Variants in CYP3A43 observed in about 807,000 individuals in gnomAD.
CYP3A43 encodes cytochrome P450 3A43.
Under a neutral mutation model 58.0 loss-of-function variants are expected in CYP3A43, and 45 were observed. That is an observed-to-expected ratio of 0.78 (90% CI 0.61 to 0.99). The LOEUF is 0.99. CYP3A43 is among the 50% of genes least tolerant of loss of function. The pLI is 0.00. For synonymous variants in CYP3A43, 191 were observed against 201.4 expected, an observed-to-expected ratio of 0.95 and a Z score of 0.44; for missense variants, 593 against 591.9, an observed-to-expected ratio of 1.00 and a Z score of -0.02.
chr7:99,838,919 G>T (rs770826400), intron 2 of CYP3A43: 1 of 634,940 alleles, frequency 1.6e-6, no homozygotes. Context: ...GGCAGAGGTT[G>T]CAATGAGCCA....
intron 2 of CYP3A43, among the ~76,000 whole-genome samples, chr7:99,837,514 G>T (rs1395884664): frequency 6.6e-6 from 1 of 152,088 alleles, no homozygotes; most frequent in African/African-American, 2.4e-5. Context: ...GAACAAGAAG[G>T]TTCTGCTTTC....
At position 99,864,356 on chromosome 7, in the gene CYP3A43, T is replaced by G. The variant is rs941508672; in HGVS notation, c.1416+657T>G. On this transcript the variant is annotated intron_variant, in intron 12 of 12. Transcript: ENST00000354829. ...TTATCTTCCAGGAGCACTGCTTCGC[T>G]GCTTCATACAAGCTGTGCATCTTTT... Among the ~76,000 whole-genome samples, 5 of 148,904 alleles carry G rather than the reference T, an allele frequency of 3.4e-5. 1 individual carries two copies. Among genetic ancestry groups the G allele is most frequent in the African/African-American group, 1.3e-4 (5 of 38,270 alleles).
At chr7:99,839,352 A>G in intron 3 of CYP3A43, 180 bp downstream of exon 3, 1 of 768,894 alleles carries the variant, frequency 1.3e-6, no homozygotes, top group East Asian at 2.7e-5. Flanking sequence ...TGCAAGGGGA[A>G]TATGCGTGTC....
chr7:99,833,714 CACT>C (rs1412078555), intron 1 of CYP3A43, among the ~76,000 whole-genome samples: 1 of 152,160 alleles, frequency 6.6e-6, no homozygotes, highest in Non-Finnish European at 1.5e-5. Flanking sequence ...TAGAAAGCAC[CACT>C]ATTTGCCACC....
intron 11 of CYP3A43, among the ~76,000 whole-genome samples, chr7:99,862,614 T>C (rs1818280850): frequency 6.6e-6 from 1 of 152,188 alleles, no homozygotes; most frequent in Non-Finnish European, 1.5e-5. Flanking sequence ...TTGGGCACAA[T>C]TTGCACTCTG....
chr7:99,848,349 T>A (rs1344571411), intron 6 of CYP3A43, 95 bp downstream of exon 6: 1 of 1,338,806 alleles, frequency 7.5e-7, no homozygotes, highest in African/African-American at 1.5e-5. Context: ...ACTCCAGTGA[T>A]CGGACAAAAG....
intron 10 of CYP3A43, among the ~76,000 whole-genome samples, chr7:99,861,384 G>A (rs1239804413): frequency 1.3e-5 from 2 of 152,192 alleles, no homozygotes; most frequent in Non-Finnish European, 2.9e-5. Flanking sequence ...AAGGATTTCA[G>A]TCTCTGTGTA....
At chr7:99,832,160 G>A (rs56378556) in intron 1 of CYP3A43, among the ~76,000 whole-genome samples, 111 of 152,126 alleles carry the variant, frequency 7.3e-4, no homozygotes, top group South Asian at 1.2e-3. Context: ...TGAGAAAACA[G>A]GAAAGAAGGT....
At chr7:99,858,690 TTA>T (rs2151622452) in intron 9 of CYP3A43, among the ~76,000 whole-genome samples, 1 of 131,322 alleles carries the variant, frequency 7.6e-6, no homozygotes, top group East Asian at 2.0e-4. Flanking sequence ...ATTATTATTA[TTA>T]TTATTATTAT....
intron 1 of CYP3A43, 55 bp from the exon 2 acceptor site, chr7:99,836,398 C>G (rs1000450318): frequency 3.4e-6 from 5 of 1,455,512 alleles, no homozygotes; most frequent in Non-Finnish European, 3.9e-6. Flanking sequence ...TCTGGCCAAC[C>G]CCTTATCTAT....
chr7:99,843,718 G>A (rs1003830918), intron 3 of CYP3A43, among the ~76,000 whole-genome samples: 9 of 152,052 alleles, frequency 5.9e-5, no homozygotes, highest in Admixed American at 2.6e-4. Flanking sequence ...CACCCACCTC[G>A]GCCTCCCCAA....
At chr7:99,828,807 T>A (rs1816725152) in intron 1 of CYP3A43, among the ~76,000 whole-genome samples, 1 of 152,204 alleles carries the variant, frequency 6.6e-6, no homozygotes, top group Non-Finnish European at 1.5e-5. Flanking sequence ...GCTCTGAAGT[T>A]CTCTTATCTG....
chr7:99,861,561 T>C, intron 10 of CYP3A43, 52 bp from the exon 11 acceptor site: 1 of 1,532,824 alleles, frequency 6.5e-7, no homozygotes. Context: ...TGGACTAAGT[T>C]GAAAGTTAAT....
rs536970364 is a variant in CYP3A43, at chr7:99,832,511, A to C, written c.72-3942A>C. On this transcript the variant is annotated intron_variant, in intron 1 of 12. Transcript: ENST00000354829. ...ACAATGAGAACACATGGACACAGGA[A>C]GGGGAACATCACACACCGGGGACTG... Among the ~76,000 whole-genome samples the C allele has an allele frequency of 2.7e-4, 32 of 117,510 alleles. No homozygotes were observed. In the South Asian group the frequency reaches 9.0e-3, roughly 33 times the overall value. The allele number at this position is 117,510 out of a possible 152,430, so 77.1% of individuals were successfully genotyped here. A position where few individuals can be genotyped will look rare whatever the true frequency, so the allele number is the denominator to read the frequency against.
chr7:99,829,771 T>C (rs1402951510), intron 1 of CYP3A43, among the ~76,000 whole-genome samples: 1 of 152,220 alleles, frequency 6.6e-6, no homozygotes, highest in East Asian at 1.9e-4. Flanking sequence ...CAGACCTATC[T>C]TTCATGACAG....
At chr7:99,838,876 A>C in intron 2 of CYP3A43, 1 of 549,692 alleles carries the variant, frequency 1.8e-6, no homozygotes, top group South Asian at 2.1e-5. Context: ...GCTACTTGGG[A>C]GGCTGAGGCA....
At chr7:99,851,991 C>T (rs571858320) in intron 7 of CYP3A43, among the ~76,000 whole-genome samples, 2 of 152,264 alleles carry the variant, frequency 1.3e-5, no homozygotes, top group Admixed American at 6.5e-5. Flanking sequence ...TGCCGTGTGA[C>T]GTAAGAGCCC....
At chr7:99,851,998 G>A (rs1246312363) in intron 7 of CYP3A43, among the ~76,000 whole-genome samples, 3 of 152,156 alleles carry the variant, frequency 2.0e-5, no homozygotes, top group African/African-American at 7.2e-5. Context: ...TGACGTAAGA[G>A]CCCAGCTTTA....
chr7:99,833,852 G>A (rs558972137), intron 1 of CYP3A43, among the ~76,000 whole-genome samples: 1 of 152,240 alleles, frequency 6.6e-6, no homozygotes, highest in South Asian at 2.1e-4. Flanking sequence ...TAATAAACAG[G>A]GGTAAAAGGC....
Sources: gnomAD v4.1 joint callset for allele counts (sites outside exome capture counted in the v4.1 genomes callset) on GRCh38, gnomAD v4.1.1 for gene constraint, MANE v1.5 for transcripts, NCBI Gene and HGNC (gene_info 2026-07-23, HGNC 2026-07-21) for gene names.